The following PLG variants were observed in gnomAD, a reference collection of about 807,000 sequenced individuals.
PLG encodes plasmin.
Under a neutral mutation model 104.4 loss-of-function variants are expected in PLG, and 41 were observed. That is an observed-to-expected ratio of 0.39 (90% CI 0.31 to 0.51). The LOEUF (loss-of-function observed/expected upper bound fraction) is 0.51, where lower values mean the gene tolerates loss of function less well. Among genes scored for constraint, PLG ranks in the 20% least tolerant of loss-of-function variants. PLG has a pLI of 0.76. For missense variants in PLG, 891 were observed against 1,003.6 expected (o/e 0.89, Z 1.52); for synonymous variants, 337 against 357.1 (o/e 0.94, Z 0.63).
intron 7 of PLG, among the ~76,000 whole-genome samples, chr6:160,717,072 G>C (rs1447814020): frequency 6.6e-6 from 1 of 152,154 alleles, no homozygotes; most frequent in Non-Finnish European, 1.5e-5. Flanking sequence ...AGGGAAATCA[G>C]ACCCATGCTC....
rs748775608 is a variant in PLG, at chr6:160,753,108, C to T, written c.*47C>T. The T allele has an allele frequency of 1.0e-5, 12 of 1,160,978 alleles. No homozygotes were observed. The highest frequency in any genetic ancestry group is 5.2e-5 in the South Asian group (4 of 76,640). 71.9% of individuals were successfully genotyped at this position (1,160,978 alleles called of 1,614,324 possible). On this transcript the variant is annotated 3_prime_UTR_variant, in exon 19 of 19. Coordinates refer to ENST00000308192, the MANE Select transcript of PLG (RefSeq NM_000301.5). The surrounding 1 kb of genome is among the most constrained non-coding windows in gnomAD (Gnocchi z 5.4). ...GCACTGACTCACCTAGAGGCTGGAA[C>T]GTGGGTAGGGATTTAGCATGCTGGA... is the stretch of plus-strand genomic sequence containing the variant.
chr6:160,726,344 T>G lies in PLG; in HGVS notation c.1256+3777T>G, dbSNP rs1777921093. On this transcript the variant is annotated intron_variant, in intron 10 of 18. Coordinates refer to ENST00000308192, the MANE Select transcript of PLG (RefSeq NM_000301.5). This position sits in a 1 kb window ranked among gnomAD's most constrained non-coding sequence, Gnocchi z 4.4. ...AAACAACACATTTCCAAATACTTCA[T>G]AAGTCAAAGAAGGAATTTAGAAAAG... Among the ~76,000 whole-genome samples the G allele has an allele frequency of 6.6e-6, 1 of 152,046 alleles. No homozygotes were observed. Among genetic ancestry groups the G allele is most frequent in the Non-Finnish European group, 1.5e-5 (1 of 67,926 alleles).
rs755235233 is a variant in PLG, at chr6:160,752,945, A to G, written c.2317A>G (p.Ile773Val). The G allele has an allele frequency of 1.2e-6, 2 of 1,613,490 alleles. No individual in the cohort carries two copies. The highest frequency in any genetic ancestry group is 1.1e-5 in the South Asian group (1 of 91,054). The change falls in exon 19 of 19, where the codon ATT (isoleucine) becomes GTT (valine). Residue 773 changes from isoleucine (I) to valine (V), a missense_variant. Around this residue, in one of 2 missense-constraint regions of PLG, gnomAD observed 37 missense variants for 71.5 expected, o/e 0.52. Coordinates refer to ENST00000308192, the MANE Select transcript of PLG (RefSeq NM_000301.5). The surrounding 1 kb of genome is among the most constrained non-coding windows in gnomAD (Gnocchi z 4.7). ...GGTTTGCTTCGAGAAGGACAAATACATTTTACAAGGAGTCACTTCTTGGGG... is the reference window on the plus strand; with the variant it reads ...GGTTTGCTTCGAGAAGGACAAATACGTTTTACAAGGAGTCACTTCTTGGGG... Reference protein sequence around the residue: ...PLVCFEKDKYILQGVTSWGLG... With the variant: ...PLVCFEKDKYVLQGVTSWGLG...
chr6:160,733,345 C>T (rs1778030834), intron 12 of PLG, among the ~76,000 whole-genome samples: 1 of 152,090 alleles, frequency 6.6e-6, no homozygotes, highest in African/African-American at 2.4e-5. Flanking sequence ...CAATGATGTC[C>T]CACTGTCCTT....
chr6:160,753,412 C>T lies in PLG; in HGVS notation c.*351C>T. ...AGGAACAGCTGCACAAAGGACTGAG[C>T]AGGCTGCAAGGTCACAGAGGGGAGA... On this transcript the variant is annotated 3_prime_UTR_variant, in exon 19 of 19. Coordinates refer to ENST00000308192, the MANE Select transcript of PLG (RefSeq NM_000301.5). This position sits in a 1 kb window ranked among gnomAD's most constrained non-coding sequence, Gnocchi z 5.4. The T allele has an allele frequency of 2.7e-6, 1 of 373,360 alleles. No homozygotes were observed. The allele number at this position is 373,360 out of a possible 1,614,324, so 23.1% of individuals were successfully genotyped here.
chr6:160,706,709 G>A (rs1777534390), intron 2 of PLG, 167 bp downstream of exon 2: 1 of 687,236 alleles, frequency 1.5e-6, no homozygotes, highest in Non-Finnish European at 2.5e-6. Context: ...TTCTTGTTAA[G>A]GTTTATTGGA....
intron 17 of PLG, among the ~76,000 whole-genome samples, chr6:160,747,269 G>C (rs1778291866): frequency 6.6e-6 from 1 of 152,218 alleles, no homozygotes. Flanking sequence ...GAGAACAAGA[G>C]AGGGAACACT....
chr6:160,750,850 A>G (rs571036631), intron 17 of PLG, among the ~76,000 whole-genome samples: 2 of 152,344 alleles, frequency 1.3e-5, no homozygotes, highest in Non-Finnish European at 2.9e-5. Context: ...ATTTGTGACG[A>G]CACTGAGACA....
At chr6:160,722,685 T>G (rs1777856001) in intron 10 of PLG, 118 bp downstream of exon 10, 1 of 873,548 alleles carries the variant, frequency 1.1e-6, no homozygotes, top group Non-Finnish European at 1.9e-6. Context: ...AGACCCAGAA[T>G]GTGTAGAAAA....
intron 17 of PLG, among the ~76,000 whole-genome samples, chr6:160,742,795 C>T (rs1014944707): frequency 6.6e-6 from 1 of 152,074 alleles, no homozygotes; most frequent in Non-Finnish European, 1.5e-5. Context: ...ACATTTAAGT[C>T]TTTAATCCAT....
At chr6:160,720,410 CTTTTTTTTTTT>C (rs3057066) in intron 9 of PLG, among the ~76,000 whole-genome samples, 3 of 58,520 alleles carry the variant, frequency 5.1e-5, no homozygotes, top group Admixed American at 3.1e-4. Context: ...CTTTTCTTTT[CTTTTTTTTTTT>C]TTTTTTTTTT....
rs1420472028 is a variant in PLG at position 160,737,833 on chromosome 6, TA to T, written c.1803-703del. 6.6e-6 allele frequency among the ~76,000 whole-genome samples: 1 copy of T among 152,266 alleles called. No homozygotes were observed. Among genetic ancestry groups the T allele is most frequent in the East Asian group, 1.9e-4 (1 of 5,206 alleles). On this transcript the variant is annotated intron_variant, in intron 14 of 18. Coordinates refer to ENST00000308192, the MANE Select transcript of PLG (RefSeq NM_000301.5). The surrounding 1 kb of genome is among the most constrained non-coding windows in gnomAD (Gnocchi z 4.7). Reference sequence around the variant, plus strand: ...GATTTTTCTTTATTTTATCATTTAGTAACTCCTTGCTCTACAGAGCTTTCAC... The same window carrying T: ...GATTTTTCTTTATTTTATCATTTAGTACTCCTTGCTCTACAGAGCTTTCAC...
At position 160,734,112 on chromosome 6, in the gene PLG, GGAAA is replaced by G; in HGVS notation, c.1681+25_1681+28del. On this transcript the variant is annotated intron_variant, in intron 13 of 18. Coordinates refer to ENST00000308192, the MANE Select transcript of PLG (RefSeq NM_000301.5). This position sits in a 1 kb window ranked among gnomAD's most constrained non-coding sequence, Gnocchi z 4.4. ...TGGTAGGTTGCCTTCTTTTTGGTAA[GGAAA>G]CTGCTTACTTAATATGGATTTGCAA... The G allele has an allele frequency of 7.7e-7, 1 of 1,296,360 alleles. No individual in the cohort carries two copies. The highest frequency in any genetic ancestry group is 1.1e-6 in the Non-Finnish European group (1 of 890,958). The allele number at this position is 1,296,360 out of a possible 1,614,324, so 80.3% of individuals were successfully genotyped here. A position where few individuals can be genotyped will look rare whatever the true frequency, so the allele number is the denominator to read the frequency against.
chr6:160,715,328 T>C (rs1777711317), intron 6 of PLG, among the ~76,000 whole-genome samples: 1 of 152,224 alleles, frequency 6.6e-6, no homozygotes, highest in Non-Finnish European at 1.5e-5. Context: ...TTGTCTTTCT[T>C]TTCCCTTTGT....
Position 160,711,140 on chromosome 6 carries a change from A to T in PLG, c.356A>T (p.Lys119Ile). 6.2e-7 allele frequency: 1 copy of T among 1,612,296 alleles called. No homozygotes were observed. The highest frequency in any genetic ancestry group is 8.5e-7 in the Non-Finnish European group (1 of 1,178,374). ...TACAGAGGGACGATGTCCAAAACAA[A>T]AAATGGCATCACCTGTCAAAAATGG... Reference protein sequence around the residue: ...KNYRGTMSKTKNGITCQKWSS... With the variant: ...KNYRGTMSKTINGITCQKWSS... Residue 119 changes from lysine to isoleucine, a missense_variant, in exon 4 of 19, where the codon AAA becomes ATA. Lys to Ile is a moderately radical substitution (Grantham distance 102). Around this residue, in one of 2 missense-constraint regions of PLG, gnomAD observed 854 missense variants for 932.1 expected, o/e 0.92. Transcript: ENST00000308192.
chr6:160,722,454 T>C lies in PLG; in HGVS notation c.1143T>C (p.Asp381=), dbSNP rs749182016. ...TGGTCCAGGACTGCTACCATGGTGA[T>C]GGACAGAGCTACCGAGGCACATCCT... ...TPVVQDCYHG[D]GQSYRGTSST... The change falls in exon 10 of 19, where the codon GAT becomes GAC. Residue 381 remains aspartate, a synonymous_variant. Transcript: ENST00000308192. 8.6e-5 allele frequency: 138 copies of C among 1,613,372 alleles called. No homozygotes were observed. The South Asian group carries it at 1.5e-3, about 17-fold the overall frequency.
chr6:160,705,444 T>A (rs1256957521), intron 1 of PLG: 1 of 152,226 alleles, frequency 6.6e-6, no homozygotes, highest in African/African-American at 2.4e-5. Flanking sequence ...CCTGCTTTTT[T>A]ACAATTTCCT....
In PLG at chr6:160,706,403, C is replaced by G. The variant is rs1777524086; in HGVS notation, c.50-4C>G. On this transcript the variant is annotated splice_polypyrimidine_tract_variant and splice_region_variant and intron_variant, in intron 1 of 18. Transcript: ENST00000308192. ...TTTATTCCACTTGGATCTCCCACCT[C>G]TAGGTCAAGGAGAGCCTCTGGATGA... 1.9e-6 allele frequency: 3 copies of G among 1,612,694 alleles called. No homozygotes were observed. Among genetic ancestry groups the G allele is most frequent in the African/African-American group, 2.7e-5 (2 of 74,900 alleles).
At position 160,734,158 on chromosome 6, in the gene PLG, C is replaced by A; in HGVS notation, c.1681+70C>A. On this transcript the variant is annotated intron_variant, in intron 13 of 18. Transcript: ENST00000308192. The surrounding 1 kb of genome is among the most constrained non-coding windows in gnomAD (Gnocchi z 4.4). ...GATTTGCAACAAAAAAGGAAAAGGG[C>A]TTCTGAGCAGACTGCTTCTGGGGAG... 1 of 867,226 alleles carries A rather than the reference C, an allele frequency of 1.2e-6. No homozygotes were observed. Among genetic ancestry groups the A allele is most frequent in the South Asian group, 1.3e-5 (1 of 74,330 alleles). 53.7% of individuals were successfully genotyped at this position (867,226 alleles called of 1,614,324 possible).
Sources: gnomAD v4.1 joint callset for allele counts (sites outside exome capture counted in the v4.1 genomes callset) on GRCh38, gnomAD v4.1.1 for gene constraint, gnomAD v4.1.1 regional missense constraint, Gnocchi (gnomAD v3.1) non-coding constraint, MANE v1.5 for transcripts, NCBI Gene and HGNC (gene_info 2026-07-23, HGNC 2026-07-21) for gene names.